STIM1: variants seen among roughly 807,000 people sequenced by gnomAD.
STIM1 encodes the protein stromal interaction molecule 1.
STIM1 carries 25 observed loss-of-function variants against 74.7 expected under a neutral mutation model. That is an observed-to-expected ratio of 0.33 (90% confidence interval 0.24 to 0.47). STIM1 has a LOEUF of 0.47. STIM1 is among the 20% of genes least tolerant of loss of function. STIM1 has a pLI of 1.00. For synonymous variants in STIM1, 328 were observed against 348.8 expected (o/e 0.94, Z 0.66); for missense variants, 728 against 920.8 (o/e 0.79, Z 2.71).
At chr11:3,906,134 G>A (rs770743552) in intron 1 of STIM1, among the ~76,000 whole-genome samples, 16 of 152,230 alleles carry the variant, frequency 1.1e-4, no homozygotes, top group Admixed American at 2.0e-4. Context: ...AGGCCCAGAG[G>A]GGCTTATCCT....
intron 3 of STIM1, among the ~76,000 whole-genome samples, chr11:4,033,295 G>A (rs1234538646): frequency 2.6e-5 from 4 of 152,156 alleles, no homozygotes; most frequent in Non-Finnish European, 5.9e-5. Flanking sequence ...GTAGCGTGAT[G>A]CCTCCGGCTT....
intron 1 of STIM1, among the ~76,000 whole-genome samples, chr11:3,925,567 A>G (rs1664427357): frequency 1.3e-5 from 2 of 152,234 alleles, no homozygotes; most frequent in South Asian, 2.1e-4. Flanking sequence ...ATATCTTTGG[A>G]CTTTAAACAC....
chr11:4,007,724 T>G (rs2093796667), intron 2 of STIM1, among the ~76,000 whole-genome samples: 1 of 152,228 alleles, frequency 6.6e-6, no homozygotes. Flanking sequence ...TCAAACTCAG[T>G]ACTTTAGTGT....
In STIM1 at chr11:4,019,284, C is replaced by G. The variant is rs183793838; in HGVS notation, c.271-4589C>G. On this transcript the variant is annotated intron_variant, in intron 2 of 12. Transcript: ENST00000526596. ...TGAATACCACTACTCTTGGCATCTCCTATTCCTCTTCCCTGCTGTTTTTTT... is the reference window on the plus strand; with the variant it reads ...TGAATACCACTACTCTTGGCATCTCGTATTCCTCTTCCCTGCTGTTTTTTT... Among the ~76,000 whole-genome samples the G allele has an allele frequency of 3.3e-5, 5 of 152,284 alleles. No homozygotes were observed. In the East Asian group the frequency reaches 9.6e-4, roughly 29 times the overall value.
At chr11:4,063,376 G>T (rs1253425471) in intron 5 of STIM1, among the ~76,000 whole-genome samples, 1 of 152,092 alleles carries the variant, frequency 6.6e-6, no homozygotes, top group Non-Finnish European at 1.5e-5. Flanking sequence ...ACAAGTTGAA[G>T]GTTTGTGGCA....
At chr11:3,911,477 T>G (rs2092561021) in intron 1 of STIM1, among the ~76,000 whole-genome samples, 1 of 152,240 alleles carries the variant, frequency 6.6e-6, no homozygotes, top group South Asian at 2.1e-4. Context: ...CTCAACCTCC[T>G]GAGCTCAAGT....
chr11:4,012,687 T>C (rs2093850276), intron 2 of STIM1, among the ~76,000 whole-genome samples: 3 of 152,202 alleles, frequency 2.0e-5, no homozygotes, highest in African/African-American at 7.2e-5. Context: ...CAATTTGACT[T>C]CCTCTTTTCC....
intron 2 of STIM1, 98 bp downstream of exon 2, chr11:3,967,780 C>T: frequency 6.4e-7 from 1 of 1,564,264 alleles, no homozygotes; most frequent in Non-Finnish European, 8.7e-7. Flanking sequence ...GAGATGTTCT[C>T]TGCTGGCTTG....
chr11:3,982,641 C>T (rs1273047599), intron 2 of STIM1, among the ~76,000 whole-genome samples: 1 of 152,078 alleles, frequency 6.6e-6, no homozygotes, highest in Non-Finnish European at 1.5e-5. Flanking sequence ...TCATTGTTAA[C>T]CATTTTTGAG....
At chr11:3,876,436 C>CG (rs2091309609) in intron 1 of STIM1, among the ~76,000 whole-genome samples, 1 of 152,180 alleles carries the variant, frequency 6.6e-6, no homozygotes, top group Admixed American at 6.5e-5. Flanking sequence ...GACAGGGTCT[C>CG]ACTCTGTTAC....
chr11:3,855,367 G>T (rs990734671), upstream of STIM1: 3 of 152,060 alleles, frequency 2.0e-5, no homozygotes, highest in Non-Finnish European at 4.4e-5. Flanking sequence ...CTGAGTAACT[G>T]CGGGTCAGGG....
chr11:4,029,914 A>G (rs1178483932), intron 3 of STIM1, among the ~76,000 whole-genome samples: 1 of 152,216 alleles, frequency 6.6e-6, no homozygotes, highest in African/African-American at 2.4e-5. Context: ...GTTTATATCA[A>G]TTAGCCTCTG....
At chr11:3,914,195 C>G (rs1358835105) in intron 1 of STIM1, among the ~76,000 whole-genome samples, 1 of 152,048 alleles carries the variant, frequency 6.6e-6, no homozygotes, top group Non-Finnish European at 1.5e-5. Context: ...TTTGCCTATT[C>G]TAGATATTTA....
At chr11:3,967,390 G>A (rs921854315) in intron 1 of STIM1, among the ~76,000 whole-genome samples, 162 bp from the exon 2 acceptor site, 1 of 152,190 alleles carries the variant, frequency 6.6e-6, no homozygotes, top group East Asian at 1.9e-4. Flanking sequence ...TTCTTGGGGA[G>A]ACAGTTACAG....
chr11:4,059,508 C>T (rs1218726067), intron 5 of STIM1, 112 bp downstream of exon 5: 4 of 802,088 alleles, frequency 5.0e-6, no homozygotes, highest in East Asian at 5.3e-5. Flanking sequence ...CAAGATAGCA[C>T]CTATACTATT....
intron 3 of STIM1, among the ~76,000 whole-genome samples, chr11:4,030,387 TTGA>T (rs1189304144): frequency 4.6e-5 from 7 of 151,794 alleles, no homozygotes; most frequent in African/African-American, 1.7e-4. Flanking sequence ...GACCTCTCTG[TTGA>T]CACAACACAG....
At chr11:4,051,292 T>G (rs1322970454) in intron 3 of STIM1, among the ~76,000 whole-genome samples, 1 of 152,116 alleles carries the variant, frequency 6.6e-6, no homozygotes, top group Non-Finnish European at 1.5e-5. Flanking sequence ...TTTTTACTTT[T>G]AGCTTATTTC....
chr11:3,930,811 CTG>C (rs2092850316), intron 1 of STIM1, among the ~76,000 whole-genome samples: 1 of 152,210 alleles, frequency 6.6e-6, no homozygotes, highest in Admixed American at 6.5e-5. Flanking sequence ...AAAAAAGTAA[CTG>C]TGGCTACCTT....
At chr11:3,926,010 A>G (rs1055361531) in intron 1 of STIM1, among the ~76,000 whole-genome samples, 5 of 152,194 alleles carry the variant, frequency 3.3e-5, no homozygotes, top group African/African-American at 1.2e-4. Context: ...GTCCTGTAAT[A>G]TAGCTCTCAG....
Sources: gnomAD v4.1 joint callset for allele counts (sites outside exome capture counted in the v4.1 genomes callset) on GRCh38, gnomAD v4.1.1 for gene constraint, MANE v1.5 for transcripts, NCBI Gene and HGNC (gene_info 2026-07-23, HGNC 2026-07-21) for gene names.